The following MARCHF1 variants were observed in gnomAD, a reference collection of about 807,000 sequenced individuals.
MARCHF1 encodes membrane associated ring-CH-type finger 1.
Under a neutral mutation model 54.2 loss-of-function variants are expected in MARCHF1, and 40 were observed. That is an observed-to-expected ratio of 0.74 (90% CI 0.57 to 0.96). MARCHF1 has a LOEUF of 0.96. Among genes scored for constraint, MARCHF1 ranks in the 40% least tolerant of loss-of-function variants. The probability of loss-of-function intolerance (pLI) is 0.00; values close to 1 mark genes in which losing one functional copy is unlikely to be tolerated. For missense variants in MARCHF1, 586 were observed against 656.5 expected (o/e 0.89, Z 1.17); for synonymous variants, 236 against 236.3 (o/e 1.00, Z 0.01).
chr4:163,806,444 G>A (rs776884364), intron 4 of MARCHF1, among the ~76,000 whole-genome samples: 4 of 152,096 alleles, frequency 2.6e-5, no homozygotes, highest in Non-Finnish European at 5.9e-5. Flanking sequence ...TGTTAATTGC[G>A]GGAATCTTAC....
intron 4 of MARCHF1, among the ~76,000 whole-genome samples, chr4:163,734,713 T>C (rs1484235392): frequency 6.6e-6 from 1 of 152,082 alleles, no homozygotes; most frequent in East Asian, 1.9e-4. Flanking sequence ...GTATAGGGCA[T>C]GGAGGAAAGT....
chr4:163,664,896 G>T (rs545096748), intron 5 of MARCHF1, among the ~76,000 whole-genome samples: 12 of 151,926 alleles, frequency 7.9e-5, no homozygotes, highest in Non-Finnish European at 1.5e-4. Flanking sequence ...AAAGCATATT[G>T]ATTTTAATTT....
chr4:163,894,960 T>C (rs1026382262), intron 3 of MARCHF1, among the ~76,000 whole-genome samples: 1 of 145,454 alleles, frequency 6.9e-6, no homozygotes, highest in African/African-American at 2.6e-5. Flanking sequence ...GATGCATATA[T>C]ATATATGCAT....
intron 3 of MARCHF1, among the ~76,000 whole-genome samples, chr4:163,873,014 A>G (rs1279914272): frequency 6.6e-6 from 1 of 152,026 alleles, no homozygotes; most frequent in East Asian, 1.9e-4. Context: ...ACTGCACTCC[A>G]GCCTGGGCGA....
chr4:163,611,393 C>T (rs1050316682), intron 7 of MARCHF1, among the ~76,000 whole-genome samples: 8 of 152,054 alleles, frequency 5.3e-5, no homozygotes, highest in African/African-American at 1.9e-4. Context: ...AACATGCATA[C>T]ATATTTTATG....
intron 1 of MARCHF1, among the ~76,000 whole-genome samples, chr4:164,269,304 T>C (rs1327527044): frequency 6.6e-6 from 1 of 152,098 alleles, no homozygotes; most frequent in East Asian, 1.9e-4. Context: ...ATAGGACCTA[T>C]CATAAAAATT....
At chr4:164,342,452 C>A (rs1350703884) in intron 1 of MARCHF1, among the ~76,000 whole-genome samples, 1 of 151,824 alleles carries the variant, frequency 6.6e-6, no homozygotes, top group East Asian at 1.9e-4. Flanking sequence ...TCGTCATTAC[C>A]AACATGGCAC....
intron 3 of MARCHF1, among the ~76,000 whole-genome samples, chr4:163,948,621 T>C (rs1752068980): frequency 6.6e-6 from 1 of 152,186 alleles, no homozygotes; most frequent in South Asian, 2.1e-4. Context: ...CTTATAATTA[T>C]GAGCAGGATG....
intron 1 of MARCHF1, among the ~76,000 whole-genome samples, chr4:164,208,251 A>C (rs1731668692): frequency 6.6e-6 from 1 of 152,180 alleles, no homozygotes. Flanking sequence ...GTGAAATGGA[A>C]AGGTATTTGA....
Position 164,015,986 on chromosome 4 carries a change from A to G in MARCHF1, c.-247-27277T>C, listed in dbSNP as rs79341121. On this transcript the variant is annotated intron_variant, in intron 2 of 9. Coordinates refer to ENST00000514618, the MANE Select transcript of MARCHF1 (RefSeq NM_001394959.1). The stretch of plus-strand genomic sequence containing the variant: ...TATGTTCATAAGAAAGGCAATCAAT[A>G]TATCGAAAATATATTTGCACTCCCA... Among the ~76,000 whole-genome samples, 6 of 152,276 alleles carry G rather than the reference A, an allele frequency of 3.9e-5. No individual in the cohort carries two copies. The East Asian group carries it at 1.2e-3, about 29-fold the overall frequency.
intron 3 of MARCHF1, among the ~76,000 whole-genome samples, chr4:163,928,011 C>A (rs889297471): frequency 6.6e-6 from 1 of 151,610 alleles, no homozygotes; most frequent in African/African-American, 2.4e-5. Flanking sequence ...TGATTGCCCA[C>A]TTCTGAATTA....
At chr4:163,613,672 C>A in intron 5 of MARCHF1, 1 of 1,326,414 alleles carries the variant, frequency 7.5e-7, no homozygotes, top group Non-Finnish European at 9.8e-7. Context: ...TTACTGTAAT[C>A]ATTTGAGTGG....
intron 3 of MARCHF1, among the ~76,000 whole-genome samples, chr4:163,945,050 T>C (rs994697668): frequency 6.6e-6 from 1 of 152,138 alleles, no homozygotes; most frequent in African/African-American, 2.4e-5. Flanking sequence ...GATATTGTCT[T>C]ACAAACATGA....
chr4:163,742,351 C>T (rs1458026266), intron 4 of MARCHF1, among the ~76,000 whole-genome samples: 1 of 134,736 alleles, frequency 7.4e-6, no homozygotes, highest in South Asian at 2.9e-4. Flanking sequence ...TCCCTCTCTC[C>T]CTCCCTCCCT....
chr4:164,189,287 A>C (rs1731060037), intron 1 of MARCHF1: 1 of 592,984 alleles, frequency 1.7e-6, no homozygotes, highest in East Asian at 2.8e-5. Context: ...CCTCAACATC[A>C]AGCAAGAATT....
chr4:163,582,521 C>A (rs1056347196), intron 8 of MARCHF1, among the ~76,000 whole-genome samples: 13 of 152,132 alleles, frequency 8.5e-5, no homozygotes, highest in African/African-American at 3.1e-4. Context: ...AGATTTGCAC[C>A]TTTCTATGCA....
chr4:164,165,826 T>G (rs1020911901), intron 1 of MARCHF1, among the ~76,000 whole-genome samples: 4 of 152,026 alleles, frequency 2.6e-5, no homozygotes, highest in Non-Finnish European at 5.9e-5. Flanking sequence ...TTCTCCCTGT[T>G]AATTATCTTC....
chr4:163,586,453 A>C (rs1255858149), intron 7 of MARCHF1, among the ~76,000 whole-genome samples: 1 of 152,206 alleles, frequency 6.6e-6, no homozygotes, highest in Non-Finnish European at 1.5e-5. Flanking sequence ...AAATCCTCCC[A>C]AAATTGAAAT....
intron 3 of MARCHF1, chr4:163,932,817 T>C (rs1751708107): frequency 1.6e-6 from 1 of 619,830 alleles, no homozygotes. Flanking sequence ...CCTGGAATTG[T>C]TGGATAAATA....
Sources: allele counts gnomAD v4.1 joint callset (sites outside exome capture counted in the v4.1 genomes callset), GRCh38; gene constraint gnomAD v4.1.1; transcripts MANE v1.5; gene names NCBI Gene and HGNC (gene_info 2026-07-23, HGNC 2026-07-21).